The following PPP2R5A variants were observed in gnomAD, a reference collection of about 807,000 sequenced individuals.
PPP2R5A encodes serine/threonine-protein phosphatase 2A 56 kDa regulatory subunit alpha isoform.
Under a neutral mutation model 64.2 loss-of-function variants are expected in PPP2R5A, and 25 were observed. The ratio of observed to expected loss-of-function variants is 0.39; its 90% CI spans 0.28 to 0.54. The LOEUF is 0.54. PPP2R5A is among the 20% of genes least tolerant of loss of function. PPP2R5A has a pLI of 0.67. For missense variants in PPP2R5A, 425 were observed against 576.3 expected (o/e 0.74, Z 2.69); for synonymous variants, 198 against 201.2 (o/e 0.98, Z 0.13).
At chr1:212,332,267 C>G (rs1659517704) in intron 2 of PPP2R5A, among the ~76,000 whole-genome samples, 1 of 152,142 alleles carries the variant, frequency 6.6e-6, no homozygotes, top group African/African-American at 2.4e-5. Flanking sequence ...ACCAAAGATG[C>G]CACTTCATAA....
rs985651240 is a variant in PPP2R5A at position 212,285,998 on chromosome 1, G to A, written c.-113G>A. The A allele has an allele frequency of 1.6e-5, 18 of 1,151,064 alleles. No homozygotes were observed. Among genetic ancestry groups the A allele is most frequent in the South Asian group, 2.2e-5 (1 of 45,478 alleles). The allele number at this position is 1,151,064 out of a possible 1,614,324, so 71.3% of individuals were successfully genotyped here. A position where few individuals can be genotyped will look rare whatever the true frequency, so the allele number is the denominator to read the frequency against. On this transcript the variant is annotated 5_prime_UTR_variant, in exon 1 of 13. Transcript: ENST00000261461. ...CCGGGGCCGGAGGGCCGTGGGGCCG[G>A]GGCGCAGGGGCGCGAGCACCCCGCG...
intron 1 of PPP2R5A, among the ~76,000 whole-genome samples, chr1:212,294,342 T>G (rs374336470): frequency 6.6e-5 from 10 of 152,200 alleles, no homozygotes; most frequent in African/African-American, 2.2e-4. Context: ...TTAGCAAAAC[T>G]GGGTAGATTT....
chr1:212,354,025 A>T (rs1004293628), intron 8 of PPP2R5A, among the ~76,000 whole-genome samples: 2 of 152,086 alleles, frequency 1.3e-5, no homozygotes, highest in African/African-American at 4.8e-5. Flanking sequence ...TCTACTAAAA[A>T]TACAAAAAAT....
At position 212,285,785 on chromosome 1, in the gene PPP2R5A, G is replaced by A. The variant is rs564997533; in HGVS notation, c.-326G>A. On this transcript the variant is annotated 5_prime_UTR_variant, in exon 1 of 13. Coordinates refer to ENST00000261461, the MANE Select transcript of PPP2R5A (RefSeq NM_006243.4). The stretch of plus-strand genomic sequence containing the variant: ...GCACCCCCGTGCCCCCGCCTCAGTT[G>A]TCTAAACTTCGGGCTCTCTTCCACC... The A allele has an allele frequency of 4.6e-5, 11 of 241,450 alleles. No individual in the cohort carries two copies. Among genetic ancestry groups the A allele is most frequent in the Non-Finnish European group, 8.7e-5 (11 of 126,212 alleles). 15.0% of individuals were successfully genotyped at this position (241,450 alleles called of 1,614,324 possible). A position where few individuals can be genotyped will look rare whatever the true frequency, so the allele number is the denominator to read the frequency against.
intron 3 of PPP2R5A, among the ~76,000 whole-genome samples, chr1:212,334,448 C>T (rs974325805): frequency 2.6e-5 from 4 of 152,134 alleles, no homozygotes; most frequent in Admixed American, 6.6e-5. Context: ...ATGTGTGACA[C>T]TACACCTGCT....
At chr1:212,298,851 C>T (rs1426230069) in intron 1 of PPP2R5A, among the ~76,000 whole-genome samples, 6 of 39,572 alleles carry the variant, frequency 1.5e-4, no homozygotes, top group Non-Finnish European at 1.9e-4. Flanking sequence ...CCTCACCTCC[C>T]GGACGGGGCG....
At chr1:212,349,837 A>G (rs1220317810) in intron 8 of PPP2R5A, among the ~76,000 whole-genome samples, 1 of 152,224 alleles carries the variant, frequency 6.6e-6, no homozygotes, top group Admixed American at 6.5e-5. Context: ...TAGTTATGAA[A>G]ATTTACTGAG....
Position 212,320,524 on chromosome 1 carries a change from G to A in PPP2R5A, c.182-8611G>A, listed in dbSNP as rs577609533. ...TCCTCACTTCCCAGTAGGGGCGGCC[G>A]GGCAGAGGCGCCCCTCACCTCCCAG... On this transcript the variant is annotated intron_variant, in intron 1 of 12. Coordinates refer to ENST00000261461, the MANE Select transcript of PPP2R5A (RefSeq NM_006243.4). Among the ~76,000 whole-genome samples the A allele has an allele frequency of 5.8e-3, 845 of 144,890 alleles. 2 individuals carry two copies. Among genetic ancestry groups the A allele is most frequent in the African/African-American group, 0.019 (766 of 39,362 alleles).
rs548295910 is a variant in PPP2R5A, at chr1:212,303,749, T to C, written c.181+17458T>C. On this transcript the variant is annotated intron_variant, in intron 1 of 12. Coordinates refer to ENST00000261461, the MANE Select transcript of PPP2R5A (RefSeq NM_006243.4). ...ACTTAAGGATTCAAATTCATTATTT[T>C]GTGTGTAGTTATCACATTTATCTCC... Among the ~76,000 whole-genome samples the C allele has an allele frequency of 2.0e-5, 3 of 152,380 alleles. No individual in the cohort carries two copies. The South Asian group carries it at 6.2e-4, about 32-fold the overall frequency.
At chr1:212,297,354 TC>T (rs1658716631) in intron 1 of PPP2R5A, 1 of 152,034 alleles carries the variant, frequency 6.6e-6, no homozygotes, top group Non-Finnish European at 1.5e-5. Flanking sequence ...GACCTCGTGA[TC>T]CACCCGCTTC....
chr1:212,308,382 A>G (rs1005269975), intron 1 of PPP2R5A, among the ~76,000 whole-genome samples: 2 of 135,948 alleles, frequency 1.5e-5, no homozygotes, highest in South Asian at 2.3e-4. Flanking sequence ...TGTTAGGTTT[A>G]TGTTACTCAA....
At chr1:212,311,565 C>T (rs1328898169) in intron 1 of PPP2R5A, among the ~76,000 whole-genome samples, 1 of 151,566 alleles carries the variant, frequency 6.6e-6, no homozygotes, top group Non-Finnish European at 1.5e-5. Context: ...CTATTTTTAT[C>T]ATTATTTTAG....
intron 1 of PPP2R5A, among the ~76,000 whole-genome samples, chr1:212,304,005 T>C (rs1229795585): frequency 6.6e-6 from 1 of 152,210 alleles, no homozygotes; most frequent in Admixed American, 6.5e-5. Flanking sequence ...TTTCGGCTGT[T>C]ATTGGGTTAT....
intron 1 of PPP2R5A, 65 bp from the exon 2 acceptor site, chr1:212,329,070 A>G (rs1571597205): frequency 3.4e-6 from 4 of 1,179,680 alleles, no homozygotes; most frequent in Non-Finnish European, 4.5e-6. Flanking sequence ...CTACAAAATT[A>G]ATAAATATAT....
At chr1:212,347,153 T>C (rs1467878761) in intron 5 of PPP2R5A, among the ~76,000 whole-genome samples, 194 bp from the exon 6 acceptor site, 1 of 152,244 alleles carries the variant, frequency 6.6e-6, no homozygotes, top group Non-Finnish European at 1.5e-5. Flanking sequence ...GCATATGTAG[T>C]TCAGTAGGAA....
In PPP2R5A at chr1:212,357,370, C is replaced by G. The variant is rs1659996593; in HGVS notation, c.1226+86C>G. 9 of 1,254,342 alleles carry G rather than the reference C, an allele frequency of 7.2e-6. No individual in the cohort carries two copies. The Middle Eastern group carries it at 8.6e-4, about 120-fold the overall frequency. 77.7% of individuals were successfully genotyped at this position (1,254,342 alleles called of 1,614,324 possible). On this transcript the variant is annotated intron_variant, in intron 11 of 12. Transcript: ENST00000261461. ...TTGATTTCCTAACTCATACTTGAAACCTATTACAGATTTGGAAGTTACTCC... is the reference window on the plus strand; with the variant it reads ...TTGATTTCCTAACTCATACTTGAAAGCTATTACAGATTTGGAAGTTACTCC...
chr1:212,297,494 A>G (rs551638248), intron 1 of PPP2R5A: 3 of 152,304 alleles, frequency 2.0e-5, no homozygotes, highest in Admixed American at 6.5e-5. Context: ...TGAATGAGTA[A>G]GTCTTTAGAC....
At chr1:212,359,028 T>C (rs1660034973) in intron 12 of PPP2R5A, among the ~76,000 whole-genome samples, 1 of 152,242 alleles carries the variant, frequency 6.6e-6, no homozygotes, top group Non-Finnish European at 1.5e-5. Flanking sequence ...TTGAGGGTAG[T>C]TACATAATTT....
At chr1:212,325,921 A>G (rs1659401222) in intron 1 of PPP2R5A, among the ~76,000 whole-genome samples, 1 of 152,198 alleles carries the variant, frequency 6.6e-6, no homozygotes, top group Admixed American at 6.5e-5. Flanking sequence ...AGTTGAAATA[A>G]ATTATTAGCA....
Sources: allele counts gnomAD v4.1 joint callset (sites outside exome capture counted in the v4.1 genomes callset), GRCh38; gene constraint gnomAD v4.1.1; transcripts MANE v1.5; gene names NCBI Gene and HGNC (gene_info 2026-07-23, HGNC 2026-07-21).